Variants in CCSER2 observed in about 807,000 individuals in gnomAD.
CCSER2 encodes serine-rich coiled-coil domain-containing protein 2.
In CCSER2, 46 loss-of-function variants were observed where a neutral mutation model predicts 92.3. The observed-to-expected ratio is 0.50, with a 90% CI of 0.39 to 0.64. The LOEUF (loss-of-function observed/expected upper bound fraction) is 0.64, where lower values mean the gene tolerates loss of function less well. CCSER2 is among the 30% of genes least tolerant of loss of function. The pLI, the probability that CCSER2 is intolerant of heterozygous loss-of-function variation, is 0.00. For missense variants in CCSER2, 1,244 were observed against 1,238.9 expected (o/e 1.00, Z -0.06); for synonymous variants, 433 against 431.4 (o/e 1.00, Z -0.04).
chr10:84,455,283 C>CTTT (rs71013326), intron 6 of CCSER2: 44 of 99,190 alleles, frequency 4.4e-4, no homozygotes, highest in Admixed American at 8.9e-4. Flanking sequence ...TTTTCTTTTT[C>CTTT]TTTTTTTTTT....
chr10:84,433,434 T>TACACACACACAC (rs139177738), intron 5 of CCSER2, among the ~76,000 whole-genome samples: 1 of 150,526 alleles, frequency 6.6e-6, no homozygotes, highest in South Asian at 2.1e-4. Flanking sequence ...CCCACACACA[T>TACACACACACAC]ACACACACAC....
At chr10:84,487,270 A>G (rs79670329) in intron 9 of CCSER2, among the ~76,000 whole-genome samples, 8 of 152,276 alleles carry the variant, frequency 5.3e-5, no homozygotes, top group East Asian at 3.9e-4. Context: ...GTTTTTTCCA[A>G]TTCTGTGAAG....
chr10:84,378,765 T>G (rs1846482212), intron 3 of CCSER2, among the ~76,000 whole-genome samples: 1 of 152,040 alleles, frequency 6.6e-6, no homozygotes, highest in Non-Finnish European at 1.5e-5. Context: ...AGAGATAGGG[T>G]CTGTCTCTTT....
At chr10:84,504,452 CGTT>C (rs1427606888) in intron 9 of CCSER2, among the ~76,000 whole-genome samples, 3 of 152,120 alleles carry the variant, frequency 2.0e-5, no homozygotes, top group Admixed American at 2.0e-4. Flanking sequence ...TTAACCAAAA[CGTT>C]GATCTTACTG....
intron 4 of CCSER2, among the ~76,000 whole-genome samples, chr10:84,421,921 G>A (rs185618785): frequency 5.9e-5 from 9 of 152,222 alleles, no homozygotes; most frequent in Admixed American, 3.9e-4. Flanking sequence ...GATGGAGGGC[G>A]GGGAGGGTGA....
intron 3 of CCSER2, among the ~76,000 whole-genome samples, chr10:84,384,198 A>G (rs1302920878): frequency 6.6e-6 from 1 of 152,206 alleles, no homozygotes; most frequent in East Asian, 1.9e-4. Context: ...CTAGGCATGC[A>G]AGAGAGCTGG....
chr10:84,476,661 T>C (rs1847166602), intron 8 of CCSER2, among the ~76,000 whole-genome samples: 1 of 152,028 alleles, frequency 6.6e-6, no homozygotes. Flanking sequence ...GCCAGGATGG[T>C]CTGCTTCTCC....
chr10:84,492,354 T>G (rs998617643), intron 9 of CCSER2, among the ~76,000 whole-genome samples: 2 of 152,110 alleles, frequency 1.3e-5, no homozygotes, highest in African/African-American at 2.4e-5. Flanking sequence ...TAAACTCACT[T>G]ATAAGTTTGG....
intron 1 of CCSER2, among the ~76,000 whole-genome samples, chr10:84,362,982 GCC>G (rs1845582627): frequency 6.6e-6 from 1 of 150,692 alleles, no homozygotes; most frequent in Non-Finnish European, 1.5e-5. Context: ...AATTACAGGT[GCC>G]TGCCACCACG....
intron 9 of CCSER2, among the ~76,000 whole-genome samples, chr10:84,499,693 G>A (rs1044580347): frequency 2.0e-5 from 3 of 151,982 alleles, no homozygotes; most frequent in Non-Finnish European, 2.9e-5. Flanking sequence ...AAAATAACTA[G>A]GTTTGGATTA....
intron 3 of CCSER2, among the ~76,000 whole-genome samples, chr10:84,396,400 C>A (rs547497150): frequency 6.6e-6 from 1 of 151,118 alleles, no homozygotes; most frequent in East Asian, 1.9e-4. Flanking sequence ...TTTTTTTAAA[C>A]CTTAACCTTA....
chr10:84,391,221 A>G (rs1159375951), intron 3 of CCSER2: 5 of 1,133,702 alleles, frequency 4.4e-6, no homozygotes, highest in Middle Eastern at 2.2e-4. Flanking sequence ...TGTAAGAGAC[A>G]ATGAGGAAAA....
intron 9 of CCSER2, among the ~76,000 whole-genome samples, chr10:84,484,734 C>G (rs1045190233): frequency 3.9e-5 from 6 of 152,100 alleles, no homozygotes; most frequent in African/African-American, 1.4e-4. Context: ...TTTTGATGAT[C>G]TGAATGTTGA....
At chr10:84,505,651 T>G (rs895125443) in intron 9 of CCSER2, among the ~76,000 whole-genome samples, 1 of 152,138 alleles carries the variant, frequency 6.6e-6, no homozygotes, top group Non-Finnish European at 1.5e-5. Context: ...TTAAATATGG[T>G]TAACATCAAA....
At chr10:84,506,345 C>T (rs1018004528) in intron 9 of CCSER2, among the ~76,000 whole-genome samples, 2 of 152,176 alleles carry the variant, frequency 1.3e-5, no homozygotes, top group African/African-American at 4.8e-5. Context: ...TGATTGGCTT[C>T]ATGTGATCTC....
chr10:84,457,280 T>TATATATAATATATATA (rs1415390989), intron 6 of CCSER2, among the ~76,000 whole-genome samples: 2 of 18,284 alleles, frequency 1.1e-4, no homozygotes, highest in South Asian at 9.0e-4. Context: ...TATAATATAT[T>TATATATAATATATATA]ATATATTATA....
intron 3 of CCSER2, chr10:84,389,504 G>A (rs949491790): frequency 6.9e-6 from 2 of 288,418 alleles, no homozygotes; most frequent in Non-Finnish European, 1.4e-5. Context: ...CAGATCCTTC[G>A]AGGTACTGGT....
At chr10:84,329,676 A>C (rs1324207898) in intron 1 of CCSER2, among the ~76,000 whole-genome samples, 1 of 152,196 alleles carries the variant, frequency 6.6e-6, no homozygotes, top group Non-Finnish European at 1.5e-5. Flanking sequence ...CTTTTAGACT[A>C]GAGACTTTAG....
At chr10:84,366,961 G>A (rs1263605956) in intron 1 of CCSER2, among the ~76,000 whole-genome samples, 7 of 152,158 alleles carry the variant, frequency 4.6e-5, no homozygotes, top group Non-Finnish European at 8.8e-5. Flanking sequence ...GGTGAATTTA[G>A]AATAAATTTT....
Sources: gnomAD v4.1 joint callset for allele counts (sites outside exome capture counted in the v4.1 genomes callset) on GRCh38, gnomAD v4.1.1 for gene constraint, MANE v1.5 for transcripts, NCBI Gene and HGNC (gene_info 2026-07-23, HGNC 2026-07-21) for gene names.